Variants in ZRSR2 observed in about 807,000 individuals in gnomAD.
ZRSR2 encodes zinc finger CCCH-type, RNA binding motif and serine/arginine rich 2, also known as U2 small nuclear ribonucleoprotein auxiliary factor 35 kDa subunit-related protein 2.
A neutral mutation model predicts 39.4 loss-of-function variants in ZRSR2; 3 were observed. The observed-to-expected ratio is 0.08, with a 90% CI of 0.03 to 0.20. The LOEUF (loss-of-function observed/expected upper bound fraction) is 0.20, where lower values mean the gene tolerates loss of function less well. Ranked by LOEUF, ZRSR2 falls within the 10% of genes least tolerant of loss-of-function variation. ZRSR2 has a pLI of 1.00. For missense variants in ZRSR2, 256 were observed against 391.5 expected (o/e 0.65, Z 2.92); for synonymous variants, 137 against 136.0 (o/e 1.01, Z -0.05).
intron 4 of ZRSR2, 110 bp from the exon 5 acceptor site, chrX:15,804,001 C>T (rs1333544679): frequency 7.0e-6 from 6 of 858,961 alleles, no homozygotes; most frequent in African/African-American, 2.2e-5. Context: ...AAACAAAAAA[C>T]TGATCTTATT....
intron 7 of ZRSR2, among the ~76,000 whole-genome samples, chrX:15,811,448 C>T (rs1002453108): frequency 1.9e-5 from 2 of 102,821 alleles, no homozygotes; most frequent in African/African-American, 3.5e-5. Context: ...TTTTTTGAGA[C>T]GGAGTCTCGC....
chrX:15,802,207 C>T (rs994142497), intron 3 of ZRSR2, among the ~76,000 whole-genome samples: 1 of 112,208 alleles, frequency 8.9e-6, no homozygotes, highest in Admixed American at 9.5e-5. Flanking sequence ...AGACATAAAA[C>T]TTTACTGAAC....
chrX:15,796,486 AT>A (rs1430397082), intron 2 of ZRSR2, among the ~76,000 whole-genome samples: 1 of 103,402 alleles, frequency 9.7e-6, no homozygotes, highest in African/African-American at 3.5e-5. Context: ...ACTACAGTTA[AT>A]TTTTTTCTTC....
At chrX:15,792,966 G>C (rs973265430) in intron 2 of ZRSR2, among the ~76,000 whole-genome samples, 1 of 112,007 alleles carries the variant, frequency 8.9e-6, no homozygotes, top group African/African-American at 3.2e-5. Context: ...TTATTTTAGT[G>C]TCAGTACTGG....
At position 15,823,024 on chromosome X, in the gene ZRSR2, A is replaced by C; in HGVS notation, c.1231A>C (p.Thr411Pro). Residue 411 changes from threonine to proline, a missense_variant, in exon 11 of 11, where the codon ACA becomes CCA. Around this residue, in one of 3 missense-constraint regions of ZRSR2, gnomAD observed 111 missense variants for 116.7 expected, o/e 0.95. Transcript: ENST00000307771. ...RHRGKKSHKR[T>P]SKSRERHNSR... ...CAGGGGGAAGAAATCTCACAAACGC[A>C]CATCAAAGAGTCGGGAGAGGCACAA... 4.1e-6 allele frequency: 5 copies of C among 1,212,286 alleles called. No individual in the cohort carries two copies. Among genetic ancestry groups the C allele is most frequent in the Non-Finnish European group, 5.6e-6 (5 of 895,627 alleles).
intron 5 of ZRSR2, among the ~76,000 whole-genome samples, chrX:15,805,006 C>T (rs1249171373): frequency 9.0e-6 from 1 of 111,621 alleles, no homozygotes; most frequent in South Asian, 3.7e-4. Context: ...TCAGAGGTAT[C>T]ACAGCTCATC....
chrX:15,818,574 C>T lies in ZRSR2; in HGVS notation c.772-13C>T. 2 of 1,199,503 alleles carry T rather than the reference C, an allele frequency of 1.7e-6. No individual in the cohort carries two copies. The highest frequency in any genetic ancestry group is 6.0e-5 in the East Asian group (2 of 33,530). On this transcript the variant is annotated splice_polypyrimidine_tract_variant and intron_variant, in intron 8 of 10. Transcript: ENST00000307771. ...CTGAATTTTTTATGATAGCATTCTT[C>T]ATTGCTCCCTAGGTCAGCTGCAATT...
At chrX:15,800,861 A>G (rs1340103687) in intron 3 of ZRSR2, among the ~76,000 whole-genome samples, 1 of 112,664 alleles carries the variant, frequency 8.9e-6, no homozygotes, top group Non-Finnish European at 1.9e-5. Context: ...TTTCACTCAT[A>G]TGTAAAAAGT....
At chrX:15,792,791 G>T (rs1932326069) in intron 2 of ZRSR2, among the ~76,000 whole-genome samples, 1 of 112,713 alleles carries the variant, frequency 8.9e-6, no homozygotes, top group East Asian at 2.8e-4. Context: ...TCACACAGTA[G>T]TACTGGCTTA....
intron 1 of ZRSR2, 51 bp from the exon 2 acceptor site, chrX:15,790,883 C>CAGCG (rs753115174): frequency 8.9e-7 from 1 of 1,118,693 alleles, no homozygotes. Flanking sequence ...GGAGCTCGGG[C>CAGCG]AGCGCTGCAT....
intron 2 of ZRSR2, among the ~76,000 whole-genome samples, chrX:15,796,791 T>G (rs975992494): frequency 3.7e-4 from 29 of 79,029 alleles, no homozygotes; most frequent in Non-Finnish European, 5.9e-4. Context: ...ATCGTTTTTT[T>G]TTTTTTTTTT....
At chrX:15,818,883 G>A (rs1933035732) in intron 9 of ZRSR2, among the ~76,000 whole-genome samples, 1 of 109,717 alleles carries the variant, frequency 9.1e-6, no homozygotes, top group Non-Finnish European at 1.9e-5. Context: ...TGATTGTCCT[G>A]CCTCAGCCTC....
intron 5 of ZRSR2, among the ~76,000 whole-genome samples, chrX:15,806,882 G>A (rs1347450699): frequency 9.0e-6 from 1 of 111,481 alleles, no homozygotes; most frequent in Non-Finnish European, 1.9e-5. Flanking sequence ...TTGACCAGAG[G>A]ACAAGGAGAG....
At chrX:15,791,104 A>G in intron 2 of ZRSR2, 91 bp downstream of exon 2, 4 of 822,815 alleles carry the variant, frequency 4.9e-6, no homozygotes, top group South Asian at 2.3e-5. Context: ...AAGGAAGTCA[A>G]ATATTGTGTC....
chrX:15,793,033 T>C (rs1932332526), intron 2 of ZRSR2, among the ~76,000 whole-genome samples: 1 of 111,827 alleles, frequency 8.9e-6, no homozygotes, highest in South Asian at 3.7e-4. Context: ...AGCATTTCTG[T>C]CTTATTAGTT....
chrX:15,808,770 C>G (rs901941545), intron 6 of ZRSR2, among the ~76,000 whole-genome samples: 25 of 110,045 alleles, frequency 2.3e-4, no homozygotes, highest in African/African-American at 7.9e-4. Flanking sequence ...TATAGGTGTG[C>G]ACCACCACGC....
Position 15,822,979 on chromosome X carries a change from G to A in ZRSR2, c.1186G>A (p.Glu396Lys), listed in dbSNP as rs753997260. The A allele has an allele frequency of 6.6e-6, 8 of 1,211,110 alleles. No individual in the cohort carries two copies. In the South Asian group the frequency reaches 1.1e-4, roughly 16 times the overall value. ...CTCCTACAAAAGAAATGGGGAATCC[G>A]AGAGGAAAAGTAGTCGTCACAGGGG... is the stretch of plus-strand genomic sequence containing the variant. ...DHSYKRNGESERKSSRHRGKK... is the reference protein window; with the variant it reads ...DHSYKRNGESKRKSSRHRGKK... The change falls in exon 11 of 11, where the codon GAG (glutamate) becomes AAG (lysine). Residue 396 changes from glutamate (E) to lysine (K), a missense_variant. Around this residue, in one of 3 missense-constraint regions of ZRSR2, gnomAD observed 111 missense variants for 116.7 expected, o/e 0.95. Transcript: ENST00000307771.
chrX:15,807,415 A>G (rs778540062), intron 5 of ZRSR2, among the ~76,000 whole-genome samples: 1 of 109,045 alleles, frequency 9.2e-6, no homozygotes, highest in African/African-American at 3.3e-5. Context: ...TCAGCCTCCC[A>G]AGTAGCTGGG....
intron 5 of ZRSR2, among the ~76,000 whole-genome samples, chrX:15,805,944 AAAAAG>A (rs1932775271): frequency 1.8e-5 from 2 of 110,220 alleles, no homozygotes; most frequent in Non-Finnish European, 3.8e-5. Context: ...AAAAAAAAAA[AAAAAG>A]AAAGAAATAA....
Sources: allele counts gnomAD v4.1 joint callset (sites outside exome capture counted in the v4.1 genomes callset), GRCh38; gene constraint gnomAD v4.1.1; regional missense constraint gnomAD v4.1.1; transcripts MANE v1.5; gene names NCBI Gene and HGNC (gene_info 2026-07-23, HGNC 2026-07-21).